The following OR14A2 variants were observed in gnomAD, a reference collection of about 807,000 sequenced individuals.
OR14A2 encodes olfactory receptor 14A2.
For synonymous variants in OR14A2, 114 were observed against 58.6 expected (o/e 1.95, Z -4.32); for missense variants, 237 against 152.9 (o/e 1.55, Z -2.90).
chr1:247,730,751 G>A, the OR14A2 span, among the ~76,000 whole-genome samples: 1 of 152,052 alleles, frequency 6.6e-6, no homozygotes, highest in East Asian at 1.9e-4. Flanking sequence ...GCCTGGAAAT[G>A]GGAACTCTGA....
the OR14A2 span, among the ~76,000 whole-genome samples, chr1:247,737,848 G>A: frequency 6.6e-6 from 1 of 152,252 alleles, no homozygotes; most frequent in South Asian, 2.1e-4. Flanking sequence ...CTGGTTAGAT[G>A]CAGTAGATAT....
the OR14A2 span, chr1:247,739,451 ACCT>A: frequency 1.3e-6 from 1 of 780,728 alleles, no homozygotes. Flanking sequence ...ATTCTGTCGC[ACCT>A]CCAACCTTGA....
the OR14A2 span, among the ~76,000 whole-genome samples, chr1:247,736,149 G>GCCTCC: frequency 4.2e-4 from 57 of 135,046 alleles, no homozygotes; most frequent in East Asian, 2.8e-3. Context: ...CTCCATATAG[G>GCCTCC]CCTCCCCTCC....
At chr1:247,744,537 G>C in the OR14A2 span, among the ~76,000 whole-genome samples, 1 of 152,236 alleles carries the variant, frequency 6.6e-6, no homozygotes, top group East Asian at 1.9e-4. This position sits in a 1 kb window ranked among gnomAD's most constrained non-coding sequence, Gnocchi z 4.3. Context: ...TCTTCTATTT[G>C]TGGGGGTTAA....
At chr1:247,725,103 A>G (rs1441994298), upstream of OR14A2, among the ~76,000 whole-genome samples, 1 of 152,084 alleles carries the variant, frequency 6.6e-6, no homozygotes, top group African/African-American at 2.4e-5. Flanking sequence ...TAAACAAGAT[A>G]AACTCAGATT....
upstream of OR14A2, among the ~76,000 whole-genome samples, chr1:247,727,224 A>G (rs1206814600): frequency 1.4e-5 from 2 of 147,900 alleles, no homozygotes; most frequent in Non-Finnish European, 3.0e-5. Flanking sequence ...AGTGGTTTGT[A>G]GTTCTCCTTG....
At chr1:247,742,696 A>C in the OR14A2 span, among the ~76,000 whole-genome samples, 1 of 152,254 alleles carries the variant, frequency 6.6e-6, no homozygotes, top group Non-Finnish European at 1.5e-5. Flanking sequence ...TAAGAAGATT[A>C]CAAATATTTG....
chr1:247,724,760 AG>A (rs1170759415), upstream of OR14A2, among the ~76,000 whole-genome samples: 1 of 152,136 alleles, frequency 6.6e-6, no homozygotes, highest in African/African-American at 2.4e-5. Flanking sequence ...CATCATTATA[AG>A]GGTGGTTGAT....
chr1:247,739,008 G>T, the OR14A2 span: 3 of 780,658 alleles, frequency 3.8e-6, no homozygotes, highest in East Asian at 7.3e-5. Flanking sequence ...ACACTGTGAG[G>T]CTGTCATGAG....
chr1:247,725,533 T>A (rs950029909), upstream of OR14A2, among the ~76,000 whole-genome samples: 7 of 150,844 alleles, frequency 4.6e-5, no homozygotes, highest in Non-Finnish European at 7.4e-5. Flanking sequence ...TATTTATTTT[T>A]TTTATTTTTT....
chr1:247,745,154 A>G, the OR14A2 span, among the ~76,000 whole-genome samples: 1 of 152,218 alleles, frequency 6.6e-6, no homozygotes, highest in Non-Finnish European at 1.5e-5. Context: ...GAATAATAGT[A>G]TATTGAAGTA....
chr1:247,723,106 A>T, exon 1 of OR14A2: 1 of 711,960 alleles, frequency 1.4e-6, no homozygotes, highest in African/African-American at 1.7e-5. Flanking sequence ...GTGTTAAATG[A>T]AGTAAGCCTC....
upstream of OR14A2, among the ~76,000 whole-genome samples, chr1:247,725,497 AT>A (rs1660320647): frequency 3.3e-5 from 5 of 149,920 alleles, no homozygotes; most frequent in Non-Finnish European, 5.9e-5. Context: ...TTATTTATTT[AT>A]TTATTTATTT....
At chr1:247,729,735 A>T in the OR14A2 span, among the ~76,000 whole-genome samples, 1 of 152,094 alleles carries the variant, frequency 6.6e-6, no homozygotes. Flanking sequence ...ATACACACAA[A>T]AACCCCACAG....
the OR14A2 span, chr1:247,746,947 C>T: frequency 6.6e-6 from 1 of 152,106 alleles, no homozygotes; most frequent in Non-Finnish European, 1.5e-5. Flanking sequence ...ACACATAATC[C>T]ATGGATCTGA....
At chr1:247,746,199 T>G in the OR14A2 span, 2 of 152,234 alleles carry the variant, frequency 1.3e-5, no homozygotes, top group African/African-American at 4.8e-5. Context: ...TCTTTTGTCT[T>G]TAGATTGTGA....
At chr1:247,735,394 A>G in the OR14A2 span, among the ~76,000 whole-genome samples, 1 of 152,202 alleles carries the variant, frequency 6.6e-6, no homozygotes, top group East Asian at 1.9e-4. Flanking sequence ...ATGCAAATGA[A>G]TGTCTAGGAT....
the OR14A2 span, among the ~76,000 whole-genome samples, chr1:247,742,287 C>T: frequency 7.2e-6 from 1 of 138,768 alleles, no homozygotes; most frequent in African/African-American, 2.8e-5. Flanking sequence ...CACGCACACA[C>T]ACACACCATG....
chr1:247,732,138 G>C, the OR14A2 span, among the ~76,000 whole-genome samples: 2 of 152,098 alleles, frequency 1.3e-5, no homozygotes, highest in Non-Finnish European at 2.9e-5. Flanking sequence ...GTAAGCCAGA[G>C]ATGTGGGTAG....
Sources: allele counts gnomAD v4.1 joint callset (sites outside exome capture counted in the v4.1 genomes callset), GRCh38; gene constraint gnomAD v4.1.1; non-coding constraint Gnocchi (gnomAD v3.1); transcripts MANE v1.5; gene names NCBI Gene and HGNC (gene_info 2026-07-23, HGNC 2026-07-21).